TRPM1: variants seen among roughly 807,000 people sequenced by gnomAD.
TRPM1 encodes the protein TRPM1-203 APA Isoform, Intron 10.
Under a neutral mutation model 149.4 loss-of-function variants are expected in TRPM1, and 113 were observed. That is an observed-to-expected ratio of 0.76 (90% CI 0.65 to 0.88). The LOEUF is 0.88. Ranked by LOEUF, TRPM1 falls within the 40% of genes least tolerant of loss-of-function variation. The probability of loss-of-function intolerance (pLI) is 0.00; values close to 1 mark genes in which losing one functional copy is unlikely to be tolerated. For missense variants in TRPM1, 1,976 were observed against 2,038.7 expected (o/e 0.97, Z 0.59); for synonymous variants, 741 against 759.5 (o/e 0.98, Z 0.40).
intron 13 of TRPM1, 38 bp from the exon 14 acceptor site, chr15:31,047,977 T>C (rs2033829213): frequency 1.2e-6 from 2 of 1,601,462 alleles, no homozygotes; most frequent in Non-Finnish European, 1.7e-6. Flanking sequence ...AATATGTTTT[T>C]CTTGGCCAGG....
At chr15:31,107,728 C>A (rs2035627563) in intron 1 of TRPM1, among the ~76,000 whole-genome samples, 1 of 151,950 alleles carries the variant, frequency 6.6e-6, no homozygotes, top group Non-Finnish European at 1.5e-5. Context: ...TTAGCTGCAT[C>A]CAATATAGTT....
chr15:31,026,969 C>G lies in TRPM1; in HGVS notation c.3442G>C (p.Gly1148Arg), dbSNP rs200447690. Residue 1148 changes from glycine (G) to arginine (R), a missense_variant, in exon 26 of 28, where the codon GGC (glycine) becomes CGC (arginine). By Grantham distance (125) the Gly-to-Arg change is moderately radical (BLOSUM62 -2). Transcript: ENST00000256552. ...HIYIIIMRLS[G>R]RCRKKREGDQ... ...CCTTCTCTCTTTTTCCTGCAGCGGC[C>G]GCTGAGACGCATAATGATGATGTAG... 6.2e-7 allele frequency: 1 copy of G among 1,614,112 alleles called. No homozygotes were observed. Among genetic ancestry groups the G allele is most frequent in the Admixed American group, 1.7e-5 (1 of 60,020 alleles).
In TRPM1 at chr15:31,137,783, G is replaced by T. The variant is rs939653672; in HGVS notation, c.54+23123C>A. ...TATATTCTCAGAAGAAAACAGTTAA[G>T]CAGTTTTCTTATAAGAGAAAACCAC... On this transcript the variant is annotated intron_variant, in intron 1 of 26. Transcript: ENST00000542188. Among the ~76,000 whole-genome samples the T allele has an allele frequency of 2.6e-5, 4 of 152,220 alleles. No individual in the cohort carries two copies. The South Asian group carries it at 8.3e-4, about 32-fold the overall frequency.
chr15:31,143,392 T>G (rs2036183397), intron 1 of TRPM1, among the ~76,000 whole-genome samples: 2 of 152,210 alleles, frequency 1.3e-5, no homozygotes, highest in South Asian at 4.1e-4. Context: ...TCCAGTTTTG[T>G]TTTGTTGTGT....
intron 1 of TRPM1, among the ~76,000 whole-genome samples, chr15:31,082,130 A>T (rs2034876561): frequency 6.6e-6 from 1 of 152,172 alleles, no homozygotes; most frequent in African/African-American, 2.4e-5. Context: ...TGTCCTTGTG[A>T]AAGGAGAAAG....
chr15:31,023,092 A>T (rs187932865), intron 27 of TRPM1, among the ~76,000 whole-genome samples: 1 of 152,330 alleles, frequency 6.6e-6, no homozygotes, highest in East Asian at 1.9e-4. Context: ...TAGGTATATC[A>T]TGGTGGACCA....
At chr15:31,076,187 G>C (rs2034685804) in intron 3 of TRPM1, among the ~76,000 whole-genome samples, 1 of 152,150 alleles carries the variant, frequency 6.6e-6, no homozygotes. Context: ...GTGGGGCAAG[G>C]GGCAGCTTGG....
intron 1 of TRPM1, among the ~76,000 whole-genome samples, chr15:31,139,452 A>T (rs2036130711): frequency 1.3e-5 from 2 of 152,184 alleles, no homozygotes; most frequent in African/African-American, 4.8e-5. Context: ...AAACTATAAG[A>T]TCTGCCTCTG....
At chr15:31,119,267 T>C (rs2035844427) in intron 1 of TRPM1, among the ~76,000 whole-genome samples, 2 of 151,600 alleles carry the variant, frequency 1.3e-5, no homozygotes, top group Admixed American at 1.3e-4. Context: ...AATAAATAAA[T>C]AAATAAACTT....
chr15:31,063,034 T>G (rs2034274325), intron 8 of TRPM1, 84 bp downstream of exon 8: 3 of 1,558,986 alleles, frequency 1.9e-6, no homozygotes, highest in Admixed American at 1.8e-5. Flanking sequence ...TTGGAATGTC[T>G]AAGCAGACCA....
At chr15:31,005,353 A>G (rs1049037846) in intron 27 of TRPM1, among the ~76,000 whole-genome samples, 2 of 152,160 alleles carry the variant, frequency 1.3e-5, no homozygotes, top group Non-Finnish European at 2.9e-5. Context: ...CCCCTTTATT[A>G]CCTAATTCAG....
chr15:31,114,050 T>C (rs2035762048), intron 1 of TRPM1, among the ~76,000 whole-genome samples: 1 of 152,190 alleles, frequency 6.6e-6, no homozygotes, highest in African/African-American at 2.4e-5. Context: ...TGCTGATTGG[T>C]GCATTTACAA....
At chr15:31,133,653 G>T (rs1296499086) in intron 1 of TRPM1, among the ~76,000 whole-genome samples, 1 of 151,464 alleles carries the variant, frequency 6.6e-6, no homozygotes, top group Non-Finnish European at 1.5e-5. Flanking sequence ...CGACACTCCA[G>T]CCTAGGTGAC....
At chr15:31,058,262 G>A (rs929116130) in intron 11 of TRPM1, among the ~76,000 whole-genome samples, 5 of 152,140 alleles carry the variant, frequency 3.3e-5, no homozygotes, top group Non-Finnish European at 2.9e-5. Flanking sequence ...AATTAGAAAT[G>A]TGGAGAAAAG....
In TRPM1 at chr15:31,068,142, G is replaced by A. The variant is rs116505327; in HGVS notation, c.280-50C>T. The A allele has an allele frequency of 1.3e-4, 194 of 1,519,956 alleles. No homozygotes were observed. The African/African-American group carries it at 2.0e-3, about 16-fold the overall frequency. 94.2% of individuals were successfully genotyped at this position (1,519,956 alleles called of 1,614,324 possible). ...GCCTCTGTTCTTGGTTTTGCTTCTC[G>A]TGTCAAAGGGGAGTGAGGCTATTGC... On this transcript the variant is annotated intron_variant, in intron 4 of 27. Transcript: ENST00000256552.
rs117873014 is a variant in TRPM1 at position 31,060,682 on chromosome 15, C to T, written c.1163-38G>A. 0.02 allele frequency: 30,678 copies of T among 1,551,814 alleles called. 536 individuals are homozygous for T. Among genetic ancestry groups the T allele is most frequent in the South Asian group, 0.054 (4,773 of 88,198 alleles). On this transcript the variant is annotated intron_variant, in intron 10 of 27. Coordinates refer to ENST00000256552, the MANE Select transcript of TRPM1 (RefSeq NM_001252024.2). ...GAAACCGGAATGATTTTTCACTCCA[C>T]GCCTGGACCGCCAGGGTTTGGCAGG... is the stretch of plus-strand genomic sequence containing the variant.
intron 27 of TRPM1, among the ~76,000 whole-genome samples, chr15:31,009,146 A>G (rs962132255): frequency 6.6e-6 from 1 of 151,966 alleles, no homozygotes; most frequent in Non-Finnish European, 1.5e-5. Flanking sequence ...TCATTTTTGA[A>G]GAATGTTTTT....
At chr15:31,061,714 C>T (rs527499505) in intron 9 of TRPM1, among the ~76,000 whole-genome samples, 200 bp from the exon 10 acceptor site, 6 of 145,020 alleles carry the variant, frequency 4.1e-5, no homozygotes, top group Non-Finnish European at 7.5e-5. Flanking sequence ...GATGGAGTTT[C>T]GCTCTTGTCG....
intron 1 of TRPM1, among the ~76,000 whole-genome samples, chr15:31,114,144 T>C (rs1366425023): frequency 6.6e-6 from 1 of 152,180 alleles, no homozygotes; most frequent in African/African-American, 2.4e-5. Context: ...GTACCCTTAT[T>C]TTTTTCTGAT....
Sources: allele counts gnomAD v4.1 joint callset (sites outside exome capture counted in the v4.1 genomes callset), GRCh38; gene constraint gnomAD v4.1.1; transcripts MANE v1.5; gene names NCBI Gene and HGNC (gene_info 2026-07-23, HGNC 2026-07-21).